The following APLP2 variants were observed in gnomAD, a reference collection of about 807,000 sequenced individuals.
APLP2 encodes the protein CDEI box-binding protein.
APLP2 carries 53 observed loss-of-function variants against 89.9 expected under a neutral mutation model. The observed-to-expected ratio is 0.59, with a 90% confidence interval of 0.47 to 0.74. The LOEUF (loss-of-function observed/expected upper bound fraction) is 0.74, where lower values mean the gene tolerates loss of function less well. APLP2 is among the 30% of genes least tolerant of loss of function. The probability of loss-of-function intolerance (pLI) is 0.00; values close to 1 mark genes in which losing one functional copy is unlikely to be tolerated. For synonymous variants in APLP2, 372 were observed against 348.6 expected, an observed-to-expected ratio of 1.07 and a Z score of -0.75; for missense variants, 973 against 975.9, an observed-to-expected ratio of 1.00 and a Z score of 0.04.
At chr11:130,128,749 A>G (rs149736671) in intron 9 of APLP2, among the ~76,000 whole-genome samples, 24 of 152,346 alleles carry the variant, frequency 1.6e-4, no homozygotes, top group Admixed American at 3.3e-4. Context: ...TTTATAGTGC[A>G]TATTGAGAAA....
chr11:130,111,086 A>T (rs1242961786), intron 3 of APLP2, among the ~76,000 whole-genome samples: 1 of 152,100 alleles, frequency 6.6e-6, no homozygotes, highest in African/African-American at 2.4e-5. Context: ...GAGAAAGAAA[A>T]GTGACTTATG....
intron 1 of APLP2, among the ~76,000 whole-genome samples, chr11:130,106,925 G>C (rs576786185): frequency 2.0e-5 from 3 of 152,152 alleles, no homozygotes; most frequent in Admixed American, 6.5e-5. Context: ...TCGACCTCGT[G>C]ATCTGCCTGC....
At chr11:130,081,951 G>A (rs1025551207) in intron 1 of APLP2, among the ~76,000 whole-genome samples, 4 of 152,164 alleles carry the variant, frequency 2.6e-5, no homozygotes, top group East Asian at 1.9e-4. Context: ...TAATTGGTTC[G>A]TTTGAGGCTT....
chr11:130,141,280 C>T lies in APLP2; in HGVS notation c.1924-218C>T. ...TACTTGAAGGAAAATGCATACGGGACCAGCTGCCATAATATAGTCTTCCCT... is the reference window on the plus strand; with the variant it reads ...TACTTGAAGGAAAATGCATACGGGATCAGCTGCCATAATATAGTCTTCCCT... On this transcript the variant is annotated intron_variant, in intron 14 of 16. Transcript: ENST00000338167. The surrounding 1 kb of genome is among the most constrained non-coding windows in gnomAD (Gnocchi z 4.2). 1 of 549,028 alleles carries T rather than the reference C, an allele frequency of 1.8e-6. No homozygotes were observed. The highest frequency in any genetic ancestry group is 3.2e-6 in the Non-Finnish European group (1 of 307,820). 34.0% of individuals were successfully genotyped at this position (549,028 alleles called of 1,614,324 possible). A position where few individuals can be genotyped will look rare whatever the true frequency, so the allele number is the denominator to read the frequency against.
At chr11:130,138,000 G>C (rs1298263571) in intron 13 of APLP2, among the ~76,000 whole-genome samples, 1 of 152,178 alleles carries the variant, frequency 6.6e-6, no homozygotes, top group African/African-American at 2.4e-5. Flanking sequence ...AGAAGTTTCT[G>C]AGATGACGTG....
chr11:130,120,887 A>G, intron 4 of APLP2, 69 bp downstream of exon 4: 1 of 1,060,438 alleles, frequency 9.4e-7, no homozygotes, highest in East Asian at 2.4e-5. Flanking sequence ...CTTTTCTCCA[A>G]ATCTCACCAT....
intron 11 of APLP2, among the ~76,000 whole-genome samples, 168 bp downstream of exon 11, chr11:130,130,334 C>T (rs533128710): frequency 6.6e-6 from 1 of 152,344 alleles, no homozygotes; most frequent in East Asian, 1.9e-4. Flanking sequence ...TTTGCAAGGT[C>T]ACTGTTTTTA....
At chr11:130,079,236 T>C (rs1452465942) in intron 1 of APLP2, among the ~76,000 whole-genome samples, 1 of 152,004 alleles carries the variant, frequency 6.6e-6, no homozygotes, top group Non-Finnish European at 1.5e-5. Flanking sequence ...GTAGCTGGGA[T>C]TACAGGCACC....
intron 1 of APLP2, among the ~76,000 whole-genome samples, chr11:130,073,603 G>C (rs576220455): frequency 6.6e-6 from 1 of 152,304 alleles, no homozygotes; most frequent in Non-Finnish European, 1.5e-5. Context: ...AGCACTTTGG[G>C]AGGCCGAGGT....
chr11:130,120,839 A>C, intron 4 of APLP2, 21 bp downstream of exon 4: 2 of 1,547,020 alleles, frequency 1.3e-6, no homozygotes, highest in East Asian at 2.2e-5. Context: ...TCGGGGGGAA[A>C]GTCAGCTGCT....
rs754092347 is a variant in APLP2, at chr11:130,109,483, A to G, written c.160A>G (p.Met54Val). ...GFAVAEPQIAMFCGKLNMHVN... is the reference protein window; with the variant it reads ...GFAVAEPQIAVFCGKLNMHVN... ...TGCTGTTGCTGAGCCTCAAATCGCAATGTTTTGTGGGAAGTTAAATATGCA... is the reference window on the plus strand; with the variant it reads ...TGCTGTTGCTGAGCCTCAAATCGCAGTGTTTTGTGGGAAGTTAAATATGCA... The change falls in exon 2 of 17, where the codon ATG becomes GTG. Residue 54 changes from methionine (M) to valine (V), a missense_variant. Physicochemically the swap from Met to Val is conservative, Grantham distance 21. Transcript: ENST00000338167. 5.6e-6 allele frequency: 9 copies of G among 1,613,762 alleles called. No individual in the cohort carries two copies. The highest frequency in any genetic ancestry group is 4.0e-5 in the African/African-American group (3 of 74,882).
chr11:130,074,655 G>A (rs7947505), intron 1 of APLP2, among the ~76,000 whole-genome samples: 39,306 of 152,074 alleles, frequency 0.26, 7,902 homozygotes, highest in African/African-American at 0.56. Context: ...CCAATAAGAA[G>A]TGAAAAATGA....
At chr11:130,113,172 C>G (rs980107430) in intron 3 of APLP2, among the ~76,000 whole-genome samples, 4 of 152,176 alleles carry the variant, frequency 2.6e-5, no homozygotes, top group Admixed American at 2.0e-4. Context: ...TTTTGTCAAC[C>G]TCAGCACCAT....
intron 3 of APLP2, among the ~76,000 whole-genome samples, chr11:130,116,021 A>G (rs922314680): frequency 2.0e-5 from 3 of 152,204 alleles, no homozygotes; most frequent in Admixed American, 6.5e-5. Context: ...AAATGTATAT[A>G]CTTTTAAATG....
At chr11:130,091,762 C>T (rs1402792397) in intron 1 of APLP2, among the ~76,000 whole-genome samples, 3 of 148,606 alleles carry the variant, frequency 2.0e-5, no homozygotes, top group Non-Finnish European at 3.0e-5. Flanking sequence ...GCTGGCCAGG[C>T]GGGGGGCTGA....
Position 130,143,457 on chromosome 11 carries a change from G to GCTGCCGCGCTCCCTGCC in APLP2, c.*9_*10insCTGCCGCGCTCCCTGCC. 1 of 1,611,126 alleles carries GCTGCCGCGCTCCCTGCC rather than the reference G, an allele frequency of 6.2e-7. No homozygotes were observed. The highest frequency in any genetic ancestry group is 2.2e-5 in the East Asian group (1 of 44,852). On this transcript the variant is annotated 3_prime_UTR_variant, in exon 17 of 17. Coordinates refer to ENST00000338167, the MANE Select transcript of APLP2 (RefSeq NM_001142276.2). ...AGCAGATGCAGATTTAGGTGGCAGG[G>GCTGCCGCGCTCCCTGCC]AGCGCGGCAGCCCTGGCGGAGGGAT...
chr11:130,083,026 C>CTTTTCTTTTTTTT (rs1943479091), intron 1 of APLP2, among the ~76,000 whole-genome samples: 2 of 72,524 alleles, frequency 2.8e-5, no homozygotes, highest in East Asian at 4.7e-4. Flanking sequence ...CTTTTCTTTT[C>CTTTTCTTTTTTTT]TTTTTTTTTT....
At chr11:130,118,236 G>A (rs944668008) in intron 3 of APLP2, among the ~76,000 whole-genome samples, 1 of 152,156 alleles carries the variant, frequency 6.6e-6, no homozygotes. Context: ...TGCTTTATGA[G>A]TATGGTTGAA....
In APLP2 at chr11:130,142,034, G is replaced by A. The variant is rs755695620; in HGVS notation, c.2114G>A (p.Arg705Lys). The change falls in exon 16 of 17, where the codon AGG becomes AAG. Residue 705 changes from arginine (R) to lysine (K), a missense_variant. By Grantham distance (26) the Arg-to-Lys change is conservative. Transcript: ENST00000338167. ...ATCGTCATCAGCCTGGTGATGCTGA[G>A]GAAGAGGCAGTATGGCACCATCAGC... ...TVIVISLVML[R>K]KRQYGTISHG... 18 of 1,613,770 alleles carry A rather than the reference G, an allele frequency of 1.1e-5. No individual in the cohort carries two copies. Among genetic ancestry groups the A allele is most frequent in the African/African-American group, 4.0e-5 (3 of 74,950 alleles).
Sources: gnomAD v4.1 joint callset for allele counts (sites outside exome capture counted in the v4.1 genomes callset) on GRCh38, gnomAD v4.1.1 for gene constraint, Gnocchi (gnomAD v3.1) non-coding constraint, MANE v1.5 for transcripts, NCBI Gene and HGNC (gene_info 2026-07-23, HGNC 2026-07-21) for gene names.